MAP3K7CL: variants seen among roughly 807,000 people sequenced by gnomAD.
MAP3K7CL encodes the protein MAP3K7 C-terminal like.
Under a neutral mutation model 18.6 loss-of-function variants are expected in MAP3K7CL, and 16 were observed. The ratio of observed to expected loss-of-function variants is 0.86; its 90% CI spans 0.58 to 1.31. MAP3K7CL has a LOEUF of 1.31. MAP3K7CL is among the 50% of genes most tolerant of loss of function. MAP3K7CL has a pLI of 0.00. For synonymous variants in MAP3K7CL, 65 were observed against 66.8 expected (o/e 0.97, Z 0.13); for missense variants, 163 against 174.4 (o/e 0.93, Z 0.37).
chr21:29,092,365 G>C, intron 3 of MAP3K7CL: 1 of 1,558,232 alleles, frequency 6.4e-7, no homozygotes, highest in Non-Finnish European at 8.8e-7. Context: ...GGGAAAAAAA[G>C]AACTGACATC....
At chr21:29,155,786 A>G (rs1257700475) in intron 3 of MAP3K7CL, among the ~76,000 whole-genome samples, 1 of 152,160 alleles carries the variant, frequency 6.6e-6, no homozygotes, top group Admixed American at 6.5e-5. Context: ...GCGAGGAGGA[A>G]GTATCTCCTC....
chr21:29,110,938 T>C (rs2086408160), intron 4 of MAP3K7CL, among the ~76,000 whole-genome samples: 2 of 152,180 alleles, frequency 1.3e-5, no homozygotes, highest in African/African-American at 4.8e-5. Flanking sequence ...ATTGCTGTTT[T>C]TGGTCCCTGT....
chr21:29,109,273 G>T (rs965813308), intron 4 of MAP3K7CL: 2 of 1,524,630 alleles, frequency 1.3e-6, no homozygotes, highest in Non-Finnish European at 1.8e-6. Flanking sequence ...TAGTGCATGT[G>T]TGTGTAATGC....
At chr21:29,134,662 G>T (rs1422132285) in intron 2 of MAP3K7CL, among the ~76,000 whole-genome samples, 6 of 152,138 alleles carry the variant, frequency 3.9e-5, no homozygotes, top group Admixed American at 6.5e-5. Flanking sequence ...CTCCCAACAG[G>T]CAAATCAATC....
chr21:29,082,265 C>T (rs947241666), upstream of MAP3K7CL, among the ~76,000 whole-genome samples: 2 of 152,164 alleles, frequency 1.3e-5, no homozygotes, highest in East Asian at 1.9e-4. Flanking sequence ...CATTAGTTAG[C>T]GATTGTTGTG....
chr21:29,174,301 TAAC>T (rs552042490), intron 4 of MAP3K7CL, among the ~76,000 whole-genome samples: 1 of 152,148 alleles, frequency 6.6e-6, no homozygotes. Flanking sequence ...CAAAGGAAGA[TAAC>T]AACTGAATTT....
At chr21:29,120,989 C>A (rs1343825188) in intron 4 of MAP3K7CL, among the ~76,000 whole-genome samples, 1 of 147,562 alleles carries the variant, frequency 6.8e-6, no homozygotes, top group Non-Finnish European at 1.5e-5. Context: ...TCACTTGAGC[C>A]TCGGAGGTTG....
upstream of MAP3K7CL, among the ~76,000 whole-genome samples, chr21:29,081,693 G>C (rs545440185): frequency 6.6e-6 from 1 of 152,138 alleles, no homozygotes; most frequent in Admixed American, 6.5e-5. Flanking sequence ...GAATTCATCA[G>C]TTTACTGGTT....
chr21:29,083,536 G>GA (rs1282791418), upstream of MAP3K7CL, among the ~76,000 whole-genome samples: 1 of 149,802 alleles, frequency 6.7e-6, no homozygotes, highest in African/African-American at 2.5e-5. Flanking sequence ...TGACCTGTGG[G>GA]AAAAATTTAT....
At chr21:29,111,419 T>C (rs2086418711) in intron 4 of MAP3K7CL, among the ~76,000 whole-genome samples, 1 of 152,156 alleles carries the variant, frequency 6.6e-6, no homozygotes, top group Admixed American at 6.5e-5. Flanking sequence ...GTGACCCCAC[T>C]GTTTGGATTG....
At chr21:29,100,205 C>A (rs1022363138) in intron 4 of MAP3K7CL, among the ~76,000 whole-genome samples, 11 of 152,186 alleles carry the variant, frequency 7.2e-5, no homozygotes, top group African/African-American at 2.4e-4. Flanking sequence ...AGTCACAAGC[C>A]TCACTGGTTT....
At chr21:29,103,578 C>T (rs927550484) in intron 4 of MAP3K7CL, among the ~76,000 whole-genome samples, 2 of 152,072 alleles carry the variant, frequency 1.3e-5, no homozygotes, top group African/African-American at 4.8e-5. Context: ...ACTAAAAGTA[C>T]AAAAGAATTA....
chr21:29,129,195 A>T (rs77522286), upstream of MAP3K7CL, among the ~76,000 whole-genome samples: 1,388 of 152,342 alleles, frequency 9.1e-3, 17 homozygotes, highest in Non-Finnish European at 0.015. Context: ...ATTCATTATT[A>T]GTCCATAGTT....
At chr21:29,167,788 C>A (rs1298086820) in intron 4 of MAP3K7CL, among the ~76,000 whole-genome samples, 1 of 150,414 alleles carries the variant, frequency 6.6e-6, no homozygotes, top group Non-Finnish European at 1.5e-5. Flanking sequence ...CAAGCTCCAT[C>A]TCCCCGGTTC....
intron 4 of MAP3K7CL, among the ~76,000 whole-genome samples, chr21:29,172,351 A>G (rs1365617198): frequency 6.7e-6 from 1 of 148,336 alleles, no homozygotes; most frequent in Non-Finnish European, 1.5e-5. Flanking sequence ...TTTGGTCTGT[A>G]TGATTAGATA....
intron 4 of MAP3K7CL, among the ~76,000 whole-genome samples, chr21:29,096,961 G>T (rs970494379): frequency 5.9e-5 from 9 of 152,176 alleles, no homozygotes; most frequent in Non-Finnish European, 1.3e-4. Flanking sequence ...GAAAAAGGAG[G>T]TCACCTTTCT....
upstream of MAP3K7CL, among the ~76,000 whole-genome samples, chr21:29,081,620 A>T (rs753807111): frequency 7.2e-5 from 11 of 152,258 alleles, no homozygotes; most frequent in Admixed American, 1.3e-4. Flanking sequence ...ATGGACCAAA[A>T]TATAGTATAT....
At chr21:29,155,562 C>T (rs571701380) in intron 3 of MAP3K7CL, among the ~76,000 whole-genome samples, 17 of 152,278 alleles carry the variant, frequency 1.1e-4, no homozygotes, top group African/African-American at 3.9e-4. Context: ...GAGAGCAGAA[C>T]AGCACCATAG....
intron 1 of MAP3K7CL, among the ~76,000 whole-genome samples, chr21:29,132,729 C>G (rs1398618654): frequency 6.6e-6 from 1 of 152,076 alleles, no homozygotes; most frequent in Non-Finnish European, 1.5e-5. Flanking sequence ...AAGCTGGTCT[C>G]GAACTTCTGA....
Sources: gnomAD v4.1 joint callset for allele counts (sites outside exome capture counted in the v4.1 genomes callset) on GRCh38, gnomAD v4.1.1 for gene constraint, MANE v1.5 for transcripts, NCBI Gene and HGNC (gene_info 2026-07-23, HGNC 2026-07-21) for gene names.